IKZF2: variants seen among roughly 807,000 people sequenced by gnomAD.
IKZF2 encodes zinc finger protein Helios.
IKZF2 carries 15 observed loss-of-function variants against 49.2 expected under a neutral mutation model. The observed-to-expected ratio is 0.30, with a 90% confidence interval of 0.20 to 0.47. The LOEUF (loss-of-function observed/expected upper bound fraction) is 0.47. Among genes scored for constraint, IKZF2 ranks in the 20% least tolerant of loss-of-function variants. IKZF2 has a pLI of 1.00. For synonymous variants in IKZF2, 227 were observed against 221.4 expected, an observed-to-expected ratio of 1.03 and a Z score of -0.23; for missense variants, 567 against 664.6, an observed-to-expected ratio of 0.85 and a Z score of 1.61.
At chr2:213,022,896 A>G (rs1056348357) in intron 6 of IKZF2, among the ~76,000 whole-genome samples, 9 of 152,182 alleles carry the variant, frequency 5.9e-5, no homozygotes, top group Non-Finnish European at 1.3e-4. Context: ...TCTCAGTGTC[A>G]TTATCTCAAT....
At chr2:213,070,695 A>C (rs12104446) in intron 4 of IKZF2, among the ~76,000 whole-genome samples, 3,295 of 152,256 alleles carry the variant, frequency 0.022, 123 homozygotes, top group African/African-American at 0.075. Context: ...AGCAGTTCTC[A>C]GACAAGGACA....
chr2:213,008,139 T>A (rs1186749866), intron 8 of IKZF2, 55 bp from the exon 9 acceptor site: 8 of 1,475,000 alleles, frequency 5.4e-6, no homozygotes, highest in Non-Finnish European at 7.2e-6. Context: ...TACAACAACA[T>A]TAGTATCAGA....
chr2:213,100,223 T>C (rs538645190), intron 4 of IKZF2, among the ~76,000 whole-genome samples: 3 of 152,082 alleles, frequency 2.0e-5, no homozygotes, highest in African/African-American at 4.8e-5. Flanking sequence ...AAGCCCCCTA[T>C]TTTTATTACT....
At chr2:213,079,113 A>G (rs1530240) in intron 4 of IKZF2, among the ~76,000 whole-genome samples, 137,255 of 152,128 alleles carry the variant, frequency 0.9, 62,101 homozygotes, top group African/African-American at 0.92. Flanking sequence ...GTTGGGTGTC[A>G]TGGCTCATGC....
At position 213,057,060 on chromosome 2, in the gene IKZF2, C is replaced by T. The variant is rs765353119; in HGVS notation, c.179G>A (p.Cys60Tyr). The T allele has an allele frequency of 6.2e-7, 1 of 1,613,688 alleles. No individual in the cohort carries two copies. The highest frequency in any genetic ancestry group is 1.1e-5 in the South Asian group (1 of 91,032). Residue 60 changes from cysteine to tyrosine, a missense_variant, in exon 5 of 9, where the codon TGT (cysteine) becomes TAT (tyrosine). By Grantham distance (194) the Cys-to-Tyr change is radical. Transcript: ENST00000434687. ...VKLEMQSDEE[C>Y]DRKPLSREDE... ...TTCACGGCTCAGGGGTTTCCTGTCA[C>T]ACTCTTCATCACTCTGCATTTCTAG... is the stretch of plus-strand genomic sequence containing the variant.
chr2:213,124,240 TCGCG>T (rs143337769), intron 4 of IKZF2, among the ~76,000 whole-genome samples: 5 of 118,342 alleles, frequency 4.2e-5, no homozygotes, highest in African/African-American at 1.7e-4. Context: ...ACACATGCGC[TCGCG>T]CGCGCGCGCA....
chr2:213,116,052 A>G (rs1331441132), intron 4 of IKZF2, among the ~76,000 whole-genome samples: 2 of 152,236 alleles, frequency 1.3e-5, no homozygotes, highest in Admixed American at 1.3e-4. Flanking sequence ...AAGGGATAAC[A>G]GATTATACTT....
At chr2:213,092,443 C>T (rs1262525215) in intron 4 of IKZF2, among the ~76,000 whole-genome samples, 1 of 152,104 alleles carries the variant, frequency 6.6e-6, no homozygotes, top group East Asian at 1.9e-4. Context: ...TTCTCACTTG[C>T]CCCAGAACTT....
Position 213,018,973 on chromosome 2 carries a change from CATTTT to C in IKZF2, c.712+3015_712+3019del, listed in dbSNP as rs538938290. On this transcript the variant is annotated intron_variant, in intron 7 of 8. Transcript: ENST00000434687. ...TGCATCCTTATTAGAGCTTTTGTTT[CATTTT>C]ATTTTATTTTTTTAAAGTATGTATT... 6.9e-4 allele frequency among the ~76,000 whole-genome samples: 105 copies of C among 152,076 alleles called. 1 individual carries two copies. The highest frequency in any genetic ancestry group is 2.4e-3 in the African/African-American group (100 of 41,504).
chr2:213,023,916 T>G (rs950585418), intron 6 of IKZF2, among the ~76,000 whole-genome samples: 16 of 152,298 alleles, frequency 1.1e-4, no homozygotes, highest in Middle Eastern at 3.4e-3. Flanking sequence ...TAAGCAATCA[T>G]TATACCTTCT....
chr2:213,115,490 A>C (rs537314242), intron 4 of IKZF2, among the ~76,000 whole-genome samples: 1 of 152,356 alleles, frequency 6.6e-6, no homozygotes, highest in South Asian at 2.1e-4. Context: ...CAAACTAATC[A>C]GCAGAGGTTC....
intron 4 of IKZF2, among the ~76,000 whole-genome samples, chr2:213,112,135 T>A (rs2059723248): frequency 6.6e-6 from 1 of 152,176 alleles, no homozygotes; most frequent in East Asian, 1.9e-4. Flanking sequence ...GGTTAAGAAC[T>A]GTGAGACTAA....
At chr2:213,033,014 T>C (rs888849001) in intron 6 of IKZF2, among the ~76,000 whole-genome samples, 4 of 152,258 alleles carry the variant, frequency 2.6e-5, no homozygotes, top group Admixed American at 6.5e-5. Flanking sequence ...CAAACTCTGC[T>C]ACTGCTTTGT....
intron 4 of IKZF2, among the ~76,000 whole-genome samples, chr2:213,063,411 T>C (rs1176666557): frequency 1.3e-5 from 2 of 151,924 alleles, no homozygotes; most frequent in Non-Finnish European, 2.9e-5. Context: ...ATTTAACTTG[T>C]TATGGGACCT....
At chr2:213,033,510 C>A (rs1698693586) in intron 6 of IKZF2, among the ~76,000 whole-genome samples, 1 of 152,152 alleles carries the variant, frequency 6.6e-6, no homozygotes, top group Admixed American at 6.5e-5. Context: ...AACCCTTGAG[C>A]GTGGGCTGAA....
intron 6 of IKZF2, among the ~76,000 whole-genome samples, chr2:213,041,896 A>C (rs1186525683): frequency 2.6e-5 from 4 of 152,264 alleles, no homozygotes; most frequent in Non-Finnish European, 5.9e-5. Flanking sequence ...AAAACAAACA[A>C]ACAAACAAAC....
At chr2:213,131,188 T>G (rs2060464086) in intron 4 of IKZF2, among the ~76,000 whole-genome samples, 1 of 152,254 alleles carries the variant, frequency 6.6e-6, no homozygotes, top group South Asian at 2.1e-4. Context: ...ATGTGATAAT[T>G]ATCACAACTC....
At chr2:213,075,117 A>T (rs938090724) in intron 4 of IKZF2, among the ~76,000 whole-genome samples, 2 of 152,280 alleles carry the variant, frequency 1.3e-5, no homozygotes, top group South Asian at 4.1e-4. Context: ...TCATTCAGTT[A>T]AAGTTTTGTT....
chr2:213,149,991 T>TA (rs1266751980), intron 2 of IKZF2, among the ~76,000 whole-genome samples, 153 bp downstream of exon 2: 18 of 152,196 alleles, frequency 1.2e-4, no homozygotes, highest in African/African-American at 4.1e-4. Flanking sequence ...CTTATCTCTT[T>TA]AAAAATGTAC....
Sources: gnomAD v4.1 joint callset for allele counts (sites outside exome capture counted in the v4.1 genomes callset) on GRCh38, gnomAD v4.1.1 for gene constraint, MANE v1.5 for transcripts, NCBI Gene and HGNC (gene_info 2026-07-23, HGNC 2026-07-21) for gene names.